Variants in BRINP3 observed in about 807,000 individuals in gnomAD.
BRINP3 encodes BMP/retinoic acid-inducible neural-specific protein 3.
A neutral mutation model predicts 71.0 loss-of-function variants in BRINP3; 19 were observed. The observed-to-expected ratio is 0.27, with a 90% confidence interval of 0.19 to 0.39. BRINP3 has a LOEUF of 0.39. Ranked by LOEUF, BRINP3 falls within the 10% of genes least tolerant of loss-of-function variation. BRINP3 has a pLI of 1.00. For missense variants in BRINP3, 959 were observed against 940.8 expected, an observed-to-expected ratio of 1.02 and a Z score of -0.25; for synonymous variants, 380 against 337.7, an observed-to-expected ratio of 1.13 and a Z score of -1.37.
chr1:190,388,001 T>A (rs1671021957), intron 2 of BRINP3, among the ~76,000 whole-genome samples: 3 of 151,816 alleles, frequency 2.0e-5, no homozygotes, highest in Admixed American at 1.3e-4. Flanking sequence ...GTATTCTTCT[T>A]CTACATGTAT....
intron 2 of BRINP3, among the ~76,000 whole-genome samples, chr1:190,320,191 T>C (rs1312444193): frequency 6.6e-6 from 1 of 152,012 alleles, no homozygotes; most frequent in East Asian, 1.9e-4. Flanking sequence ...ACCACCAAAC[T>C]TCCAAATAAA....
At chr1:190,369,908 A>T (rs1383741625) in intron 2 of BRINP3, among the ~76,000 whole-genome samples, 1 of 152,162 alleles carries the variant, frequency 6.6e-6, no homozygotes, top group Non-Finnish European at 1.5e-5. Flanking sequence ...AACCTGAATA[A>T]ATATACATTT....
intron 7 of BRINP3, among the ~76,000 whole-genome samples, chr1:190,139,168 GC>G (rs940561513): frequency 4.6e-5 from 7 of 151,746 alleles, no homozygotes; most frequent in African/African-American, 1.7e-4. Context: ...AAAATGATCG[GC>G]CCGGAGCCGT....
intron 4 of BRINP3, among the ~76,000 whole-genome samples, chr1:190,234,881 A>G (rs1658367973): frequency 6.6e-6 from 1 of 152,030 alleles, no homozygotes; most frequent in Non-Finnish European, 1.5e-5. Context: ...CTCTCTCAAA[A>G]CTGATTTTAT....
intron 2 of BRINP3, among the ~76,000 whole-genome samples, chr1:190,420,690 G>C (rs559740736): frequency 6.6e-6 from 1 of 151,998 alleles, no homozygotes; most frequent in East Asian, 1.9e-4. Context: ...AAACTATCAT[G>C]TAGTCTTCAA....
chr1:190,456,539 C>A (rs1002052925), intron 1 of BRINP3, among the ~76,000 whole-genome samples: 1 of 151,824 alleles, frequency 6.6e-6, no homozygotes, highest in Non-Finnish European at 1.5e-5. Flanking sequence ...TGATTCAACT[C>A]CTAACTTTCA....
intron 2 of BRINP3, among the ~76,000 whole-genome samples, chr1:190,308,986 T>G (rs1327353510): frequency 6.6e-6 from 1 of 151,850 alleles, no homozygotes; most frequent in Non-Finnish European, 1.5e-5. Context: ...AAATAAATAT[T>G]TGTATACCCA....
At chr1:190,144,919 A>C (rs1655759419) in intron 7 of BRINP3, among the ~76,000 whole-genome samples, 1 of 152,138 alleles carries the variant, frequency 6.6e-6, no homozygotes, top group African/African-American at 2.4e-5. Flanking sequence ...CCAGATATAC[A>C]TATGGCATAC....
intron 2 of BRINP3, among the ~76,000 whole-genome samples, chr1:190,343,208 A>G (rs1238890918): frequency 1.3e-5 from 2 of 151,872 alleles, no homozygotes; most frequent in Non-Finnish European, 2.9e-5. Context: ...GGAAGAGTGA[A>G]TTAAAAAGTT....
intron 2 of BRINP3, among the ~76,000 whole-genome samples, chr1:190,334,607 AC>A (rs1306478116): frequency 6.6e-6 from 1 of 151,682 alleles, no homozygotes; most frequent in Non-Finnish European, 1.5e-5. Flanking sequence ...ATTGACTATG[AC>A]CCTTTTTGCA....
intron 4 of BRINP3, among the ~76,000 whole-genome samples, chr1:190,244,121 T>C (rs1276871712): frequency 1.3e-5 from 2 of 152,004 alleles, no homozygotes; most frequent in Admixed American, 1.3e-4. Flanking sequence ...TGTAACGAAC[T>C]TGAATCATCC....
chr1:190,234,592 G>A (rs1658339109), intron 4 of BRINP3, 115 bp from the exon 5 acceptor site: 3 of 696,126 alleles, frequency 4.3e-6, no homozygotes, highest in Non-Finnish European at 7.3e-6. Flanking sequence ...TCACTGAAAG[G>A]TCCAGGATCT....
chr1:190,128,823 T>G (rs78020336), intron 7 of BRINP3, among the ~76,000 whole-genome samples: 2,542 of 151,852 alleles, frequency 0.017, 72 homozygotes, highest in African/African-American at 0.056. Flanking sequence ...ATGTAACATA[T>G]CTTAAATATA....
At chr1:190,343,928 A>G (rs1667838060) in intron 2 of BRINP3, among the ~76,000 whole-genome samples, 1 of 151,756 alleles carries the variant, frequency 6.6e-6, no homozygotes, top group Non-Finnish European at 1.5e-5. Flanking sequence ...TGTCTTCTGA[A>G]GCATTTTACT....
intron 6 of BRINP3, among the ~76,000 whole-genome samples, chr1:190,176,675 C>A (rs908673232): frequency 6.6e-6 from 1 of 152,052 alleles, no homozygotes; most frequent in Non-Finnish European, 1.5e-5. Context: ...ATTTCTTTAC[C>A]TTTTTTTCAT....
Position 190,226,135 on chromosome 1 carries a change from A to C in BRINP3, c.908T>G (p.Leu303Arg). 2 of 1,611,710 alleles carry C rather than the reference A, an allele frequency of 1.2e-6. No individual in the cohort carries two copies. The highest frequency in any genetic ancestry group is 1.7e-6 in the Non-Finnish European group (2 of 1,178,544). ...SMDIQAMEENLLRITETWKAY... is the reference protein window; with the variant it reads ...SMDIQAMEENRLRITETWKAY... ...TTTCCAGGTTTCAGTTATTCGAAGA[A>C]GATTCTCTTCCATGGCTTGAATGTC... The change falls in exon 6 of 8, where the codon CTT becomes CGT. Residue 303 changes from leucine (L) to arginine (R), a missense_variant. Transcript: ENST00000367462.
intron 1 of BRINP3, among the ~76,000 whole-genome samples, chr1:190,463,600 T>C (rs1342420763): frequency 6.6e-6 from 1 of 151,870 alleles, no homozygotes; most frequent in African/African-American, 2.4e-5. Flanking sequence ...TCTTTTTACA[T>C]GTGTAAAAAC....
At chr1:190,348,875 C>G (rs1165645981) in intron 2 of BRINP3, among the ~76,000 whole-genome samples, 1 of 152,124 alleles carries the variant, frequency 6.6e-6, no homozygotes, top group Non-Finnish European at 1.5e-5. Flanking sequence ...TCACTGCCCA[C>G]AGTAGATGAA....
At chr1:190,311,904 ATAC>A (rs1363616031) in intron 2 of BRINP3, among the ~76,000 whole-genome samples, 5 of 150,332 alleles carry the variant, frequency 3.3e-5, no homozygotes, top group Non-Finnish European at 7.4e-5. Context: ...AGGAGAGTAA[ATAC>A]TCACATACCT....
Sources: gnomAD v4.1 joint callset for allele counts (sites outside exome capture counted in the v4.1 genomes callset) on GRCh38, gnomAD v4.1.1 for gene constraint, MANE v1.5 for transcripts, NCBI Gene and HGNC (gene_info 2026-07-23, HGNC 2026-07-21) for gene names.